Variants in PCDHA3 observed in about 807,000 individuals in gnomAD.
PCDHA3 encodes the protein protocadherin alpha 3, also known as protocadherin alpha-3.
In PCDHA3, 41 loss-of-function variants were observed where a neutral mutation model predicts 62.2. The observed-to-expected ratio is 0.66, with a 90% CI of 0.51 to 0.86. The LOEUF (loss-of-function observed/expected upper bound fraction) is 0.86, where lower values mean the gene tolerates loss of function less well. Among genes scored for constraint, PCDHA3 ranks in the 40% least tolerant of loss-of-function variants. The pLI is 0.00. For synonymous variants in PCDHA3, 640 were observed against 555.4 expected (o/e 1.15, Z -2.14); for missense variants, 1,304 against 1,241.2 (o/e 1.05, Z -0.76).
chr5:140,840,200 G>A (rs1412931294), intron 1 of PCDHA3, among the ~76,000 whole-genome samples: 1 of 151,990 alleles, frequency 6.6e-6, no homozygotes, highest in Non-Finnish European at 1.5e-5. Flanking sequence ...CAAAGGAAAA[G>A]AAGTCATAAA....
intron 1 of PCDHA3, chr5:140,870,246 C>A: frequency 6.2e-7 from 1 of 1,614,168 alleles, no homozygotes; most frequent in Non-Finnish European, 8.5e-7. Flanking sequence ...CAGGTGTCAA[C>A]GGACAGGTGA....
At chr5:140,884,414 C>G in intron 1 of PCDHA3, 2 of 1,614,008 alleles carry the variant, frequency 1.2e-6, no homozygotes, top group Non-Finnish European at 1.7e-6. Context: ...GCTCACGTTG[C>G]TGCTGTATAC....
chr5:140,992,576 G>T (rs992150186), intron 3 of PCDHA3, among the ~76,000 whole-genome samples: 4 of 152,172 alleles, frequency 2.6e-5, no homozygotes, highest in Admixed American at 2.0e-4. Flanking sequence ...CATATTGCCT[G>T]CCTTGTATGC....
intron 1 of PCDHA3, chr5:140,829,567 C>T (rs1581882153): frequency 3.1e-6 from 5 of 1,612,524 alleles, no homozygotes; most frequent in Non-Finnish European, 2.5e-6. Context: ...TGGTGTCCTA[C>T]TCGCTGGTGG....
chr5:140,933,429 G>A (rs2089147163), intron 1 of PCDHA3, among the ~76,000 whole-genome samples: 1 of 151,830 alleles, frequency 6.6e-6, no homozygotes, highest in South Asian at 2.1e-4. Flanking sequence ...GTTCATAGGG[G>A]CACTCTAATG....
chr5:141,007,079 TAGAGA>T (rs1308407580), intron 3 of PCDHA3, among the ~76,000 whole-genome samples: 1 of 151,804 alleles, frequency 6.6e-6, no homozygotes, highest in African/African-American at 2.4e-5. Flanking sequence ...GAAGAGAAAA[TAGAGA>T]AGAGAGTCTA....
intron 1 of PCDHA3, among the ~76,000 whole-genome samples, chr5:140,838,070 T>C (rs1392729176): frequency 1.6e-5 from 2 of 127,666 alleles, no homozygotes; most frequent in Admixed American, 1.8e-4. Flanking sequence ...TTAAGTTATA[T>C]ATATATAGTG....
At chr5:140,906,059 G>A (rs1583580035) in intron 1 of PCDHA3, among the ~76,000 whole-genome samples, 1 of 152,158 alleles carries the variant, frequency 6.6e-6, no homozygotes, top group South Asian at 2.1e-4. Flanking sequence ...TGCACTGGCA[G>A]CTGATTAGAT....
At chr5:140,843,733 T>C (rs2150365726) in intron 1 of PCDHA3, 1 of 1,549,552 alleles carries the variant, frequency 6.5e-7, no homozygotes. Flanking sequence ...CATTTAAATT[T>C]AGAACTCATA....
intron 1 of PCDHA3, among the ~76,000 whole-genome samples, chr5:140,899,785 A>C (rs1460475621): frequency 6.6e-6 from 1 of 152,166 alleles, no homozygotes; most frequent in African/African-American, 2.4e-5. Flanking sequence ...CTCTGGTATA[A>C]TTCGGCTGTG....
chr5:140,863,219 G>T, intron 1 of PCDHA3: 1 of 1,108,786 alleles, frequency 9.0e-7, no homozygotes. Flanking sequence ...AGCCAAGCGA[G>T]GAAGGTCCCA....
chr5:140,927,245 A>G (rs1197319664), intron 1 of PCDHA3: 6 of 1,613,948 alleles, frequency 3.7e-6, no homozygotes, highest in South Asian at 2.2e-5. Flanking sequence ...CTGGACACCA[A>G]TGACAACTCA....
intron 1 of PCDHA3, 53 bp from the exon 2 acceptor site, chr5:140,978,895 TG>T: frequency 6.2e-7 from 1 of 1,612,992 alleles, no homozygotes; most frequent in Non-Finnish European, 8.5e-7. Context: ...GCAGCATTCC[TG>T]GGAGAACATT....
chr5:140,823,889 C>T, intron 1 of PCDHA3: 1 of 1,613,944 alleles, frequency 6.2e-7, no homozygotes, highest in Non-Finnish European at 8.5e-7. Flanking sequence ...GCCATCTGTG[C>T]GGTGTCCAGC....
At chr5:140,835,995 C>G in intron 1 of PCDHA3, 7 of 1,613,324 alleles carry the variant, frequency 4.3e-6, no homozygotes, top group Non-Finnish European at 5.1e-6. Context: ...GGTGAGCGCG[C>G]GCGATGCGGG....
chr5:140,816,308 T>G (rs2126670497), intron 1 of PCDHA3: 4 of 152,234 alleles, frequency 2.6e-5, no homozygotes, highest in Non-Finnish European at 5.9e-5. Context: ...TCTGTAAAAT[T>G]TTCAGTTCAA....
Position 140,843,714 on chromosome 5 carries a change from A to C in PCDHA3, c.2394+40123A>C, listed in dbSNP as rs782749981. ...GATTTAAATGTTGATCATGGCCTCA[A>C]AGTAAGTCCATTTAAATTTAGAACT... is the stretch of plus-strand genomic sequence containing the variant. On this transcript the variant is annotated intron_variant, in intron 1 of 3. Transcript: ENST00000522353. The C allele has an allele frequency of 2.5e-6, 4 of 1,569,610 alleles. 1 individual carries two copies. The highest frequency in any genetic ancestry group is 1.4e-5 in the African/African-American group (1 of 73,998).
chr5:140,863,392 C>A (rs782692076), intron 1 of PCDHA3: 3 of 921,584 alleles, frequency 3.3e-6, no homozygotes, highest in Non-Finnish European at 3.4e-6. Context: ...CTCGTGCATG[C>A]CGGGCAAGCC....
At chr5:140,901,922 G>A (rs2068984254) in intron 1 of PCDHA3, among the ~76,000 whole-genome samples, 2 of 151,732 alleles carry the variant, frequency 1.3e-5, no homozygotes. Flanking sequence ...TCACTTCTTT[G>A]GTTAATTCCT....
Sources: allele counts gnomAD v4.1 joint callset (sites outside exome capture counted in the v4.1 genomes callset), GRCh38; gene constraint gnomAD v4.1.1; transcripts MANE v1.5; gene names NCBI Gene and HGNC (gene_info 2026-07-23, HGNC 2026-07-21).